IL33: variants seen among roughly 807,000 people sequenced by gnomAD.
IL33 encodes interleukin-33.
In IL33, 37 loss-of-function variants were observed where a neutral mutation model predicts 27.3. The ratio of observed to expected loss-of-function variants is 1.36; its 90% confidence interval spans 1.04 to 1.78. IL33 has a LOEUF of 1.78. Ranked by LOEUF, IL33 falls within the 40% of genes most tolerant of loss-of-function variation. The pLI is 0.00. For missense variants in IL33, 406 were observed against 311.4 expected (o/e 1.30, Z -2.29); for synonymous variants, 132 against 102.9 (o/e 1.28, Z -1.71).
At chr9:6,238,299 C>T (rs1278968324) in intron 1 of IL33, among the ~76,000 whole-genome samples, 3 of 152,182 alleles carry the variant, frequency 2.0e-5, no homozygotes, top group Non-Finnish European at 4.4e-5. Flanking sequence ...TCCTCTGCTT[C>T]TAAGCATTCT....
intron 1 of IL33, among the ~76,000 whole-genome samples, chr9:6,226,657 C>T (rs1818646718): frequency 6.6e-6 from 1 of 152,076 alleles, no homozygotes; most frequent in African/African-American, 2.4e-5. Flanking sequence ...TCTTTTATGT[C>T]TAGATATTCT....
intron 1 of IL33, among the ~76,000 whole-genome samples, chr9:6,234,664 G>A (rs1254210273): frequency 6.6e-6 from 1 of 152,090 alleles, no homozygotes; most frequent in Non-Finnish European, 1.5e-5. Flanking sequence ...TCCCCTCCTC[G>A]TTAGTCCCAT....
At chr9:6,249,128 G>A (rs1376474404) in intron 2 of IL33, among the ~76,000 whole-genome samples, 2 of 152,186 alleles carry the variant, frequency 1.3e-5, no homozygotes, top group Non-Finnish European at 2.9e-5. Flanking sequence ...TTCTAGAGTG[G>A]GTGTGAATAT....
chr9:6,225,419 G>C (rs1367923785), intron 1 of IL33, among the ~76,000 whole-genome samples: 2 of 152,166 alleles, frequency 1.3e-5, no homozygotes, highest in Non-Finnish European at 2.9e-5. Flanking sequence ...TGAGAGACCT[G>C]AGTTCTGGTC....
intron 3 of IL33, 42 bp from the exon 4 acceptor site, chr9:6,251,098 G>A (rs761716268): frequency 7.5e-6 from 12 of 1,602,074 alleles, no homozygotes; most frequent in Non-Finnish European, 9.4e-6. Flanking sequence ...TTTGTGCAGA[G>A]TGGGGATTGA....
chr9:6,236,018 TACACACACACACACACACACAC>T (rs61318432), intron 1 of IL33, among the ~76,000 whole-genome samples: 1 of 139,790 alleles, frequency 7.2e-6, no homozygotes, highest in East Asian at 2.1e-4. Context: ...CCCACACCCA[TACACACACACACACACACACAC>T]ACACACACAC....
rs1330382 is a variant in IL33, at chr9:6,251,986, G to A, written c.343+721G>A. ...ACCTTGACAGAGGTTGCAGTGAGCCGAGATCATGTCAGGGCACTCTCGCCT... is the reference window on the plus strand; with the variant it reads ...ACCTTGACAGAGGTTGCAGTGAGCCAAGATCATGTCAGGGCACTCTCGCCT... On this transcript the variant is annotated intron_variant, in intron 4 of 7. Coordinates refer to ENST00000682010, the MANE Select transcript of IL33 (RefSeq NM_033439.4). Among the ~76,000 whole-genome samples the A allele has an allele frequency of 8.0e-3, 1,191 of 149,054 alleles. 13 individuals carry two copies. Among genetic ancestry groups the A allele is most frequent in the South Asian group, 0.044 (204 of 4,668 alleles).
chr9:6,221,076 G>A (rs1420284366), intron 1 of IL33, among the ~76,000 whole-genome samples: 2 of 152,120 alleles, frequency 1.3e-5, no homozygotes, highest in Non-Finnish European at 2.9e-5. Context: ...GTTTCCTTTA[G>A]TAATATTTCA....
intron 1 of IL33, among the ~76,000 whole-genome samples, chr9:6,227,388 G>C (rs1378130548): frequency 2.6e-5 from 4 of 152,166 alleles, no homozygotes; most frequent in Non-Finnish European, 5.9e-5. Flanking sequence ...TGTTTGAAAA[G>C]ATATTTAAAA....
intron 6 of IL33, 64 bp downstream of exon 6, chr9:6,253,666 A>G: frequency 7.7e-7 from 1 of 1,298,576 alleles, no homozygotes; most frequent in African/African-American, 1.5e-5. Context: ...AGATAAATCC[A>G]AAAAAATCCT....
intron 1 of IL33, among the ~76,000 whole-genome samples, chr9:6,218,684 ATGTTC>A (rs527577482): frequency 0.018 from 1,598 of 88,416 alleles, 82 homozygotes; most frequent in South Asian, 0.026. Context: ...CCATATATAT[ATGTTC>A]TCCATATATA....
At chr9:6,239,927 G>A (rs920213250) in intron 1 of IL33, among the ~76,000 whole-genome samples, 1 of 152,020 alleles carries the variant, frequency 6.6e-6, no homozygotes, top group Non-Finnish European at 1.5e-5. Flanking sequence ...ACTAAGATAT[G>A]GGCACACTGA....
chr9:6,255,683 T>G (rs1040449810), intron 7 of IL33, among the ~76,000 whole-genome samples: 5 of 152,120 alleles, frequency 3.3e-5, no homozygotes, highest in Non-Finnish European at 2.9e-5. Context: ...AGATAGTACA[T>G]GTCAAAAGAA....
In IL33 at chr9:6,254,528, C is replaced by A; in HGVS notation, c.587C>A (p.Ala196Asp). 1.3e-6 allele frequency: 2 copies of A among 1,592,194 alleles called. No individual in the cohort carries two copies. The highest frequency in any genetic ancestry group is 1.7e-6 in the Non-Finnish European group (2 of 1,167,206). ...CCTACAAAAGACTTCTGGTTGCATGCCAACAACAAGGAACACTCTGTGGAG... is the reference window on the plus strand; with the variant it reads ...CCTACAAAAGACTTCTGGTTGCATGACAACAACAAGGAACACTCTGTGGAG... The part of the protein sequence containing the change: ...LSPTKDFWLH[A>D]NNKEHSVELH... Residue 196 changes from alanine (A) to aspartate (D), a missense_variant, in exon 7 of 8, where the codon GCC becomes GAC. By Grantham distance (126) the Ala-to-Asp change is moderately radical. Coordinates refer to ENST00000682010, the MANE Select transcript of IL33 (RefSeq NM_033439.4).
chr9:6,229,125 C>T (rs572962971), intron 1 of IL33, among the ~76,000 whole-genome samples: 2 of 152,198 alleles, frequency 1.3e-5, no homozygotes, highest in African/African-American at 4.8e-5. Context: ...AATGAGGAAC[C>T]TGTACAGGAG....
chr9:6,242,133 C>G (rs1819562318), intron 2 of IL33: 1 of 161,306 alleles, frequency 6.2e-6, no homozygotes, highest in East Asian at 1.7e-4. Context: ...AACTAGCAAA[C>G]TTTTAAGCAG....
intron 1 of IL33, among the ~76,000 whole-genome samples, chr9:6,236,233 G>A (rs1192960316): frequency 6.6e-6 from 1 of 152,042 alleles, no homozygotes; most frequent in Non-Finnish European, 1.5e-5. Context: ...ATGATATAGT[G>A]TTAATTGGAA....
intron 1 of IL33, among the ~76,000 whole-genome samples, chr9:6,238,458 T>C: frequency 6.6e-6 from 1 of 152,164 alleles, no homozygotes; most frequent in Non-Finnish European, 1.5e-5. Context: ...ATTTTGCACA[T>C]GGGACTGGAT....
chr9:6,251,288 T>G, intron 4 of IL33, 23 bp downstream of exon 4: 1 of 1,611,082 alleles, frequency 6.2e-7, no homozygotes, highest in Non-Finnish European at 8.5e-7. Flanking sequence ...ACAGGGGTGA[T>G]GTGGGAGTGA....
Sources: allele counts gnomAD v4.1 joint callset (sites outside exome capture counted in the v4.1 genomes callset), GRCh38; gene constraint gnomAD v4.1.1; transcripts MANE v1.5; gene names NCBI Gene and HGNC (gene_info 2026-07-23, HGNC 2026-07-21).